Variants in WWTR1 observed in about 807,000 individuals in gnomAD.
WWTR1 encodes WW domain containing transcription regulator 1.
WWTR1 carries 13 observed loss-of-function variants against 40.1 expected under a neutral mutation model. The observed-to-expected ratio is 0.32, with a 90% CI of 0.21 to 0.52. The LOEUF (loss-of-function observed/expected upper bound fraction) is 0.52. WWTR1 is among the 20% of genes least tolerant of loss of function. The pLI is 0.97. For missense variants in WWTR1, 436 were observed against 523.1 expected (o/e 0.83, Z 1.63); for synonymous variants, 230 against 210.1 (o/e 1.09, Z -0.82).
At chr3:149,684,621 TG>T (rs145130870) in intron 1 of WWTR1, among the ~76,000 whole-genome samples, 1 of 151,950 alleles carries the variant, frequency 6.6e-6, no homozygotes, top group Non-Finnish European at 1.5e-5. Context: ...TGGAGTGCCA[TG>T]GGGCGATCCT....
At chr3:149,720,299 G>A (rs1020779622) in intron 4 of WWTR1, among the ~76,000 whole-genome samples, 1 of 152,044 alleles carries the variant, frequency 6.6e-6, no homozygotes, top group Non-Finnish European at 1.5e-5. Flanking sequence ...TTATGCGTAT[G>A]GTATTAGGTA....
At position 149,656,909 on chromosome 3, in the gene WWTR1, G is replaced by A. The variant is rs1231267072; in HGVS notation, c.398C>T (p.Thr133Ile). 1.3e-6 allele frequency: 2 copies of A among 1,547,098 alleles called. No individual in the cohort carries two copies. Among genetic ancestry groups the A allele is most frequent in the Non-Finnish European group, 8.7e-7 (1 of 1,153,266 alleles). Reference sequence around the variant, plus strand: ...GTACCTCTGGCCAGTGGCCGTGAAGGTCATCTCCCAGCCCGGGGGCAGTGG... The same window carrying A: ...GTACCTCTGGCCAGTGGCCGTGAAGATCATCTCCCAGCCCGGGGGCAGTGG... ...ELPLPPGWEM[T>I]FTATGQRYFL... is the part of the protein sequence containing the mutation. The change falls in exon 2 of 7, where the codon ACC becomes ATC. Residue 133 changes from threonine (T) to isoleucine (I), a missense_variant. Physicochemically the swap from Thr to Ile is moderately conservative, Grantham distance 89 (BLOSUM62 -1). Transcript: ENST00000360632.
In WWTR1 at chr3:149,579,151, C is replaced by T. The variant is rs746890292; in HGVS notation, c.432-6151G>A. On this transcript the variant is annotated intron_variant, in intron 2 of 6. Coordinates refer to ENST00000360632, the MANE Select transcript of WWTR1 (RefSeq NM_015472.6). The stretch of plus-strand genomic sequence containing the variant: ...TTATTTCTATGGGCAAAGATTTTGT[C>T]TTCAAACATAAGTGTTTTGTCTTTT... Among the ~76,000 whole-genome samples the T allele has an allele frequency of 5.9e-5, 9 of 152,154 alleles. No homozygotes were observed. The South Asian group carries it at 8.3e-4, about 14-fold the overall frequency.
chr3:149,700,597 A>T (rs1197831909), intron 1 of WWTR1, among the ~76,000 whole-genome samples: 2 of 152,020 alleles, frequency 1.3e-5, no homozygotes, highest in Non-Finnish European at 2.9e-5. Context: ...AGACAAAAAA[A>T]TTAAATTAAA....
intron 2 of WWTR1, among the ~76,000 whole-genome samples, chr3:149,631,108 C>A (rs1711535388): frequency 6.6e-6 from 1 of 152,122 alleles, no homozygotes; most frequent in African/African-American, 2.4e-5. Context: ...AAGAGCTGTC[C>A]CCACTCACCT....
rs1450685322 is a variant in WWTR1, at chr3:149,518,213, T to C, written c.*2592A>G. On this transcript the variant is annotated 3_prime_UTR_variant, in exon 7 of 7. Coordinates refer to ENST00000360632, the MANE Select transcript of WWTR1 (RefSeq NM_015472.6). The stretch of plus-strand genomic sequence containing the variant: ...TCTGAAAAAATATTTATTATATTCA[T>C]TCATAAATGTTCTAACTAATTTAAC... The C allele has an allele frequency of 2.0e-5, 3 of 152,080 alleles. No individual in the cohort carries two copies. Among genetic ancestry groups the C allele is most frequent in the Non-Finnish European group, 2.9e-5 (2 of 68,002 alleles). 9.4% of individuals were successfully genotyped at this position (152,080 alleles called of 1,614,324 possible). A position where few individuals can be genotyped will look rare whatever the true frequency, so the allele number is the denominator to read the frequency against.
At chr3:149,537,285 C>A (rs1341349979) in intron 4 of WWTR1, among the ~76,000 whole-genome samples, 1 of 152,070 alleles carries the variant, frequency 6.6e-6, no homozygotes, top group Non-Finnish European at 1.5e-5. Flanking sequence ...AAAGTCACAG[C>A]ACAACTTCAT....
chr3:149,593,515 G>T (rs190280784), intron 2 of WWTR1, among the ~76,000 whole-genome samples: 3 of 152,056 alleles, frequency 2.0e-5, no homozygotes, highest in African/African-American at 7.2e-5. Flanking sequence ...AGTGAAAAGG[G>T]TTGCTCTTTT....
At chr3:149,639,040 CTAAACAATGCCACT>C (rs1712002840) in intron 2 of WWTR1, among the ~76,000 whole-genome samples, 1 of 152,212 alleles carries the variant, frequency 6.6e-6, no homozygotes, top group African/African-American at 2.4e-5. Flanking sequence ...TGAAGAACCA[CTAAACAATGCCACT>C]TAAAGACACA....
At chr3:149,527,122 A>G (rs1193905513) in intron 5 of WWTR1, among the ~76,000 whole-genome samples, 1 of 150,612 alleles carries the variant, frequency 6.6e-6, no homozygotes, top group African/African-American at 2.4e-5. Flanking sequence ...TCTTATTCAC[A>G]TTTCACCCTG....
intron 1 of WWTR1, among the ~76,000 whole-genome samples, chr3:149,700,366 A>G (rs1178478670): frequency 6.6e-6 from 1 of 152,150 alleles, no homozygotes; most frequent in East Asian, 1.9e-4. Flanking sequence ...GGAAGGATCT[A>G]TGTGCCTCAT....
At chr3:149,588,788 A>T (rs898711202) in intron 2 of WWTR1, among the ~76,000 whole-genome samples, 1 of 152,160 alleles carries the variant, frequency 6.6e-6, no homozygotes, top group Non-Finnish European at 1.5e-5. Context: ...CCACATTTGA[A>T]CCTATACCTG....
At chr3:149,598,691 C>T (rs1739111047) in intron 2 of WWTR1, among the ~76,000 whole-genome samples, 1 of 152,104 alleles carries the variant, frequency 6.6e-6, no homozygotes, top group African/African-American at 2.4e-5. Context: ...TATTCAAATG[C>T]CGTTAAAAAC....
chr3:149,526,389 T>G (rs890964154), intron 5 of WWTR1, among the ~76,000 whole-genome samples: 5 of 151,930 alleles, frequency 3.3e-5, no homozygotes, highest in African/African-American at 1.2e-4. Context: ...ATACAGAGTA[T>G]GACACCATTT....
chr3:149,540,108 ACACAC>A, intron 4 of WWTR1: 1 of 439,216 alleles, frequency 2.3e-6, no homozygotes, highest in Non-Finnish European at 4.6e-6. Flanking sequence ...ACACACACAC[ACACAC>A]ACACACACAC....
chr3:149,543,005 A>G (rs1013946455), intron 3 of WWTR1, among the ~76,000 whole-genome samples: 5 of 152,188 alleles, frequency 3.3e-5, no homozygotes, highest in Non-Finnish European at 7.3e-5. Context: ...ACAACATGTA[A>G]CACAAAGCAC....
intron 2 of WWTR1, 124 bp downstream of exon 2, chr3:149,656,752 C>T: frequency 3.2e-6 from 3 of 925,320 alleles, no homozygotes; most frequent in Non-Finnish European, 4.5e-6. Context: ...AGGACACGCA[C>T]CATCTCTCTC....
chr3:149,622,070 C>T (rs1316376301), intron 2 of WWTR1, among the ~76,000 whole-genome samples: 1 of 152,200 alleles, frequency 6.6e-6, no homozygotes, highest in Non-Finnish European at 1.5e-5. Context: ...CTGCTCACTG[C>T]ATGCCCCCCA....
At chr3:149,617,725 G>A (rs147111476) in intron 2 of WWTR1, among the ~76,000 whole-genome samples, 15 of 152,246 alleles carry the variant, frequency 9.9e-5, no homozygotes, top group African/African-American at 2.9e-4. Flanking sequence ...ACTTGAACCC[G>A]GGAGGTGGAG....
Sources: gnomAD v4.1 joint callset for allele counts (sites outside exome capture counted in the v4.1 genomes callset) on GRCh38, gnomAD v4.1.1 for gene constraint, MANE v1.5 for transcripts, NCBI Gene and HGNC (gene_info 2026-07-23, HGNC 2026-07-21) for gene names.